USP7: variants seen among roughly 807,000 people sequenced by gnomAD.
The protein encoded by USP7 is ubiquitin specific peptidase 7, also known as ubiquitin C-terminal hydrolase 7.
In USP7, 9 loss-of-function variants were observed where a neutral mutation model predicts 162.9. That is an observed-to-expected ratio of 0.06 (90% CI 0.03 to 0.10). The LOEUF is 0.10. Among genes scored for constraint, USP7 ranks in the 10% least tolerant of loss-of-function variants. The pLI, the probability that USP7 is intolerant of heterozygous loss-of-function variation, is 1.00. For missense variants in USP7, 715 were observed against 1,373.7 expected, an observed-to-expected ratio of 0.52 and a Z score of 7.58; for synonymous variants, 562 against 475.9, an observed-to-expected ratio of 1.18 and a Z score of -2.35.
chr16:8,921,393 T>G, intron 3 of USP7, 98 bp from the exon 4 acceptor site: 2 of 1,377,932 alleles, frequency 1.5e-6, no homozygotes, highest in Non-Finnish European at 9.9e-7. Flanking sequence ...TTCCCATTTA[T>G]GATTTCATTG....
intron 5 of USP7, among the ~76,000 whole-genome samples, 188 bp from the exon 6 acceptor site, chr16:8,919,327 C>T (rs963742994): frequency 2.0e-5 from 3 of 151,946 alleles, no homozygotes; most frequent in Admixed American, 1.3e-4. Flanking sequence ...GCAAATGCAA[C>T]CCCCACATTC....
intron 1 of USP7, among the ~76,000 whole-genome samples, chr16:8,959,794 T>C (rs545296358): frequency 6.6e-6 from 1 of 152,256 alleles, no homozygotes; most frequent in Admixed American, 6.5e-5. Flanking sequence ...CTGCACAAGT[T>C]TGGAAGAAAC....
chr16:8,923,355 C>T lies in USP7; in HGVS notation c.243G>A (p.Leu81=). ...ACGGAGGGCTAAGGACCGACTCACT[C>T]AGTCTGCTGAAGCGCTCCACAGTGA... is the stretch of plus-strand genomic sequence containing the variant. ...FQFTVERFSR[L]SESVLSPPCF... The change falls in exon 3 of 31, where the codon CTG becomes CTA. Residue 81 remains leucine (L), a synonymous_variant. Transcript: ENST00000344836. 6.2e-7 allele frequency: 1 copy of T among 1,614,232 alleles called. No individual in the cohort carries two copies. Among genetic ancestry groups the T allele is most frequent in the Non-Finnish European group, 8.5e-7 (1 of 1,180,038 alleles).
chr16:8,901,371 C>CT, intron 18 of USP7, 137 bp from the exon 19 acceptor site: 1 of 649,152 alleles, frequency 1.5e-6, no homozygotes, highest in Non-Finnish European at 2.7e-6. Context: ...GAAATGACAG[C>CT]TTAAGGTACC....
chr16:8,918,636 C>T (rs916352456), intron 6 of USP7, among the ~76,000 whole-genome samples: 3 of 152,030 alleles, frequency 2.0e-5, no homozygotes, highest in Non-Finnish European at 2.9e-5. Context: ...ATGGTGAAAC[C>T]CCGCCTCTAC....
intron 6 of USP7, 96 bp downstream of exon 6, chr16:8,918,935 A>G: frequency 8.3e-7 from 1 of 1,204,308 alleles, no homozygotes; most frequent in Non-Finnish European, 1.2e-6. Context: ...GGGCCAGGGG[A>G]GGGAGACGCC....
At position 8,905,431 on chromosome 16, in the gene USP7, T is replaced by C. The variant is rs554703818; in HGVS notation, c.1429-100A>G. 2.0e-5 allele frequency: 29 copies of C among 1,424,722 alleles called. No homozygotes were observed. In the South Asian group the frequency reaches 2.8e-4, roughly 14 times the overall value. 88.3% of individuals were successfully genotyped at this position (1,424,722 alleles called of 1,614,324 possible). On this transcript the variant is annotated intron_variant, in intron 13 of 30. Coordinates refer to ENST00000344836, the MANE Select transcript of USP7 (RefSeq NM_003470.3). ...TCTAAAATGTGTGAACTTCTAGGTATGCCCCTAGTTGAAAAAATATCCATG... is the reference window on the plus strand; with the variant it reads ...TCTAAAATGTGTGAACTTCTAGGTACGCCCCTAGTTGAAAAAATATCCATG...
intron 16 of USP7, among the ~76,000 whole-genome samples, chr16:8,902,747 G>A (rs1466091057): frequency 1.3e-5 from 2 of 152,108 alleles, no homozygotes; most frequent in African/African-American, 2.4e-5. Flanking sequence ...AATCAGCTGG[G>A]CCTGGTGACG....
At chr16:8,909,005 G>GT (rs1426506774) in intron 11 of USP7, among the ~76,000 whole-genome samples, 2 of 152,184 alleles carry the variant, frequency 1.3e-5, no homozygotes, top group South Asian at 2.1e-4. Context: ...AGGGCTTATG[G>GT]TTCAATCCCA....
intron 10 of USP7, among the ~76,000 whole-genome samples, chr16:8,914,289 G>A (rs751370808): frequency 2.0e-5 from 3 of 151,924 alleles, no homozygotes; most frequent in Non-Finnish European, 4.4e-5. Context: ...GCTCCAGTGT[G>A]GGTGTGGAGC....
chr16:8,933,352 A>C (rs1333516169), intron 1 of USP7, among the ~76,000 whole-genome samples: 3 of 152,188 alleles, frequency 2.0e-5, no homozygotes. Context: ...TCCGAGACCA[A>C]CATGGGCAAT....
At chr16:8,931,885 C>T (rs1898366874) in intron 1 of USP7, among the ~76,000 whole-genome samples, 1 of 152,214 alleles carries the variant, frequency 6.6e-6, no homozygotes, top group Admixed American at 6.5e-5. Context: ...CCTACACAGT[C>T]GGCTTTCCCT....
At chr16:8,920,140 A>G (rs1897607045) in intron 5 of USP7, among the ~76,000 whole-genome samples, 1 of 152,240 alleles carries the variant, frequency 6.6e-6, no homozygotes. Flanking sequence ...TCTAGTTGCC[A>G]TAATTATACA....
At chr16:8,912,285 C>G (rs2061959380) in intron 10 of USP7, among the ~76,000 whole-genome samples, 1 of 151,934 alleles carries the variant, frequency 6.6e-6, no homozygotes, top group Non-Finnish European at 1.5e-5. Flanking sequence ...AACCCCGTCT[C>G]TACTAAAAAT....
At chr16:8,916,941 A>G in intron 7 of USP7, 85 bp downstream of exon 7, 1 of 1,437,890 alleles carries the variant, frequency 7.0e-7, no homozygotes, top group Non-Finnish European at 9.1e-7. Context: ...ATGCTCTACT[A>G]ACTTTTCTAT....
intron 26 of USP7, 56 bp downstream of exon 26, chr16:8,896,943 A>G: frequency 7.5e-7 from 1 of 1,333,726 alleles, no homozygotes; most frequent in African/African-American, 1.4e-5. Context: ...TGCAGAGGTC[A>G]GCGTTAACTG....
At chr16:8,902,305 A>C in intron 17 of USP7, 76 bp downstream of exon 17, 1 of 1,580,510 alleles carries the variant, frequency 6.3e-7, no homozygotes, top group Non-Finnish European at 8.6e-7. Context: ...CCAAAAGGGA[A>C]ACAAGCTGCA....
At chr16:8,956,776 C>CA (rs375578803) in intron 1 of USP7, among the ~76,000 whole-genome samples, 34,440 of 147,220 alleles carry the variant, frequency 0.23, 4,679 homozygotes, top group South Asian at 0.33. Flanking sequence ...AAAACAAAAA[C>CA]AAAAAAAAAA....
intron 1 of USP7, among the ~76,000 whole-genome samples, chr16:8,932,368 C>A (rs2141234071): frequency 6.6e-6 from 1 of 152,196 alleles, no homozygotes; most frequent in South Asian, 2.1e-4. Flanking sequence ...GAGTTTGAGA[C>A]CAGCCAGGGA....
Sources: gnomAD v4.1 joint callset for allele counts (sites outside exome capture counted in the v4.1 genomes callset) on GRCh38, gnomAD v4.1.1 for gene constraint, MANE v1.5 for transcripts, NCBI Gene and HGNC (gene_info 2026-07-23, HGNC 2026-07-21) for gene names.